Variants in ZBTB7C observed in about 807,000 individuals in gnomAD.
The protein encoded by ZBTB7C is zinc finger and BTB domain containing 7C.
A neutral mutation model predicts 25.7 loss-of-function variants in ZBTB7C; 8 were observed. That is an observed-to-expected ratio of 0.31 (90% CI 0.18 to 0.56). The LOEUF is 0.56. Ranked by LOEUF, ZBTB7C falls within the 20% of genes least tolerant of loss-of-function variation. The pLI is 0.91. For synonymous variants in ZBTB7C, 394 were observed against 369.0 expected (o/e 1.07, Z -0.78); for missense variants, 824 against 855.2 (o/e 0.96, Z 0.46).
At chr18:48,411,579 C>T (rs1412723878), upstream of ZBTB7C, among the ~76,000 whole-genome samples, 1 of 152,224 alleles carries the variant, frequency 6.6e-6, no homozygotes, top group Non-Finnish European at 1.5e-5. Context: ...AGTCTGGCTG[C>T]GCCTCATGCC....
At chr18:48,110,680 A>G (rs1465487960) in intron 3 of ZBTB7C, among the ~76,000 whole-genome samples, 1 of 152,086 alleles carries the variant, frequency 6.6e-6, no homozygotes, top group Admixed American at 6.6e-5. Flanking sequence ...GAGAATTGCT[A>G]CATCTCGCCA....
chr18:48,411,350 A>G (rs1374779399), upstream of ZBTB7C, among the ~76,000 whole-genome samples: 1 of 152,240 alleles, frequency 6.6e-6, no homozygotes, highest in Non-Finnish European at 1.5e-5. Context: ...AACCTAAGGT[A>G]TGTTCAGGCT....
rs768849117 is a variant in ZBTB7C, at chr18:48,040,667, ATCTTCGTCG to A, written c.432_440del (p.Glu146_Asp148del). 159 of 1,612,602 alleles carry A rather than the reference ATCTTCGTCG, an allele frequency of 9.9e-5. No individual in the cohort carries two copies. In the African/African-American group the frequency reaches 1.9e-3, roughly 20 times the overall value. On this transcript the variant is annotated inframe_deletion, in exon 4 of 5. Transcript: ENST00000590800. ...CCTCTTCGTCCTCCTCATCATCATC[ATCTTCGTCG>A]TCGTCATCGTCCTCCTTGTCATCCT...
At chr18:48,233,158 C>T (rs543925274) in intron 2 of ZBTB7C, among the ~76,000 whole-genome samples, 1 of 152,238 alleles carries the variant, frequency 6.6e-6, no homozygotes, top group African/African-American at 2.4e-5. Context: ...TCTACTCTCA[C>T]GAACAGACTA....
chr18:48,187,450 A>G (rs2042083384), intron 2 of ZBTB7C, among the ~76,000 whole-genome samples: 1 of 152,224 alleles, frequency 6.6e-6, no homozygotes, highest in Non-Finnish European at 1.5e-5. Flanking sequence ...GAAATAAGCC[A>G]GTCACAAAAA....
At chr18:48,231,567 T>A (rs988896796) in intron 2 of ZBTB7C, among the ~76,000 whole-genome samples, 4 of 152,206 alleles carry the variant, frequency 2.6e-5, no homozygotes, top group African/African-American at 4.8e-5. Flanking sequence ...GCTCTGTTGC[T>A]TAACAGAGCA....
At chr18:48,260,150 G>C (rs2044131021) in intron 2 of ZBTB7C, among the ~76,000 whole-genome samples, 1 of 152,168 alleles carries the variant, frequency 6.6e-6, no homozygotes, top group African/African-American at 2.4e-5. Context: ...ATGGAATACT[G>C]CTCAGCAATA....
chr18:48,333,496 C>T (rs2046387145), intron 2 of ZBTB7C, among the ~76,000 whole-genome samples: 1 of 152,118 alleles, frequency 6.6e-6, no homozygotes, highest in Non-Finnish European at 1.5e-5. Context: ...ACATTAAGGT[C>T]TGGGGAACTT....
intron 3 of ZBTB7C, among the ~76,000 whole-genome samples, chr18:48,178,624 G>A (rs1465733967): frequency 1.3e-5 from 2 of 152,120 alleles, no homozygotes; most frequent in Non-Finnish European, 2.9e-5. Flanking sequence ...GAGACACTTG[G>A]GGCTCTTTAT....
intron 2 of ZBTB7C, among the ~76,000 whole-genome samples, chr18:48,187,132 T>A (rs2042075151): frequency 6.6e-6 from 1 of 152,188 alleles, no homozygotes; most frequent in South Asian, 2.1e-4. Context: ...AAGCTGGCAA[T>A]CTGCTCCTTG....
intron 3 of ZBTB7C, among the ~76,000 whole-genome samples, chr18:48,171,846 A>C (rs1032690084): frequency 1.1e-4 from 17 of 152,284 alleles, no homozygotes; most frequent in Non-Finnish European, 2.2e-4. Flanking sequence ...ATGGAGGCTC[A>C]GACAATTTAA....
At position 48,130,704 on chromosome 18, in the gene ZBTB7C, C is replaced by A. The variant is rs1598935995; in HGVS notation, c.-17+55230G>T. ...TCCACACAGATCTGTTTTGCTTGAG[C>A]CAGCTGTGTGAATCTCTGTGGAGAA... On this transcript the variant is annotated intron_variant, in intron 3 of 4. Coordinates refer to ENST00000590800, the MANE Select transcript of ZBTB7C (RefSeq NM_001318841.2). Among the ~76,000 whole-genome samples the A allele has an allele frequency of 2.0e-5, 3 of 152,096 alleles. No homozygotes were observed. In the East Asian group the frequency reaches 5.8e-4, roughly 29 times the overall value.
At chr18:48,104,170 A>G (rs960204158) in intron 3 of ZBTB7C, among the ~76,000 whole-genome samples, 2 of 152,182 alleles carry the variant, frequency 1.3e-5, no homozygotes, top group Non-Finnish European at 2.9e-5. Flanking sequence ...GGGGTTTGGT[A>G]TGAGACATTT....
chr18:48,202,557 T>C (rs1436419665), intron 2 of ZBTB7C, among the ~76,000 whole-genome samples: 1 of 151,984 alleles, frequency 6.6e-6, no homozygotes, highest in East Asian at 1.9e-4. Flanking sequence ...GTGTGCAAGC[T>C]AAACATGCAA....
chr18:48,088,008 T>C (rs1396261895), intron 3 of ZBTB7C, among the ~76,000 whole-genome samples: 4 of 152,152 alleles, frequency 2.6e-5, no homozygotes, highest in Admixed American at 1.3e-4. Context: ...AGTACACAAG[T>C]GTATGTGATC....
intron 3 of ZBTB7C, among the ~76,000 whole-genome samples, chr18:48,157,786 T>A (rs2040880756): frequency 6.6e-6 from 1 of 152,124 alleles, no homozygotes; most frequent in Non-Finnish European, 1.5e-5. Flanking sequence ...GGCATATATA[T>A]CAGGTGCCAC....
At chr18:48,141,364 C>T (rs2040343748) in intron 3 of ZBTB7C, among the ~76,000 whole-genome samples, 1 of 152,038 alleles carries the variant, frequency 6.6e-6, no homozygotes, top group Non-Finnish European at 1.5e-5. Flanking sequence ...ATTTGACTGT[C>T]CCTCCCACTA....
chr18:48,132,402 A>G (rs1281990869), intron 3 of ZBTB7C, among the ~76,000 whole-genome samples: 1 of 152,226 alleles, frequency 6.6e-6, no homozygotes, highest in Non-Finnish European at 1.5e-5. Flanking sequence ...GATTATTGGT[A>G]ACCTAGGACG....
chr18:48,408,107 A>C (rs2048323585), intron 1 of ZBTB7C, among the ~76,000 whole-genome samples: 1 of 152,198 alleles, frequency 6.6e-6, no homozygotes, highest in Admixed American at 6.5e-5. Context: ...CGCATGGTCC[A>C]GCGAGACTTC....
Sources: gnomAD v4.1 joint callset for allele counts (sites outside exome capture counted in the v4.1 genomes callset) on GRCh38, gnomAD v4.1.1 for gene constraint, MANE v1.5 for transcripts, NCBI Gene and HGNC (gene_info 2026-07-23, HGNC 2026-07-21) for gene names.